NTM: variants seen among roughly 807,000 people sequenced by gnomAD.
The protein encoded by NTM is neurotrimin.
In NTM, 13 loss-of-function variants were observed where a neutral mutation model predicts 42.1. That is an observed-to-expected ratio of 0.31 (90% CI 0.20 to 0.49). The LOEUF (loss-of-function observed/expected upper bound fraction) is 0.49, where lower values mean the gene tolerates loss of function less well. NTM is among the 20% of genes least tolerant of loss of function. The pLI, the probability that NTM is intolerant of heterozygous loss-of-function variation, is 0.99. For synonymous variants in NTM, 187 were observed against 179.2 expected (o/e 1.04, Z -0.35); for missense variants, 373 against 452.8 (o/e 0.82, Z 1.60).
chr11:132,212,179 A>G, intron 4 of NTM, 32 bp downstream of exon 4: 6 of 1,592,842 alleles, frequency 3.8e-6, no homozygotes, highest in Non-Finnish European at 4.3e-6. Context: ...TTGCATCATG[A>G]GGATAAATGG....
intron 1 of NTM, among the ~76,000 whole-genome samples, chr11:131,687,717 T>A (rs1047189382): frequency 3.9e-5 from 6 of 152,140 alleles, no homozygotes; most frequent in Non-Finnish European, 7.4e-5. Flanking sequence ...ACAAAACCAT[T>A]CCACAGGAGT....
Position 131,586,978 on chromosome 11 carries a change from G to A in NTM, c.82+216090G>A, listed in dbSNP as rs554865613. On this transcript the variant is annotated intron_variant, in intron 1 of 8. Coordinates refer to ENST00000683400, the MANE Select transcript of NTM (RefSeq NM_001352005.2). The stretch of plus-strand genomic sequence containing the variant: ...TAATTTTAGTTAACTTAAAAAATAA[G>A]TGATGCTCAATTGGGAGGCTACGGA... Among the ~76,000 whole-genome samples, 4 of 152,202 alleles carry A rather than the reference G, an allele frequency of 2.6e-5. No homozygotes were observed. In the East Asian group the frequency reaches 7.8e-4, roughly 29 times the overall value.
chr11:131,864,333 C>A (rs1420346402), intron 1 of NTM, among the ~76,000 whole-genome samples: 1 of 152,186 alleles, frequency 6.6e-6, no homozygotes, highest in Non-Finnish European at 1.5e-5. Context: ...TGGAGCTTGT[C>A]ATGTGACAGC....
chr11:131,704,108 A>T (rs893594787), intron 1 of NTM, among the ~76,000 whole-genome samples: 2 of 152,114 alleles, frequency 1.3e-5, no homozygotes, highest in East Asian at 3.9e-4. Context: ...TTGACTTAGG[A>T]TCCCTGAGGA....
At chr11:131,778,887 A>G (rs1337431364) in intron 1 of NTM, among the ~76,000 whole-genome samples, 1 of 152,260 alleles carries the variant, frequency 6.6e-6, no homozygotes, top group Admixed American at 6.5e-5. Flanking sequence ...ATAGTCTATC[A>G]TAGCTCCCTG....
At chr11:131,866,547 T>C (rs1012161728) in intron 1 of NTM, among the ~76,000 whole-genome samples, 1 of 152,218 alleles carries the variant, frequency 6.6e-6, no homozygotes, top group African/African-American at 2.4e-5. Flanking sequence ...CACCTCACAT[T>C]AATTTAGTGG....
chr11:131,464,708 C>T lies in NTM; in HGVS notation c.82+93820C>T, dbSNP rs180901545. On this transcript the variant is annotated intron_variant, in intron 1 of 8. Transcript: ENST00000683400. Reference sequence around the variant, plus strand: ...CCAGCAGTGCCCCGAGGGGCCAGGACGCCCTTCTGCCGGCTGAGAACCACA... The same window carrying T: ...CCAGCAGTGCCCCGAGGGGCCAGGATGCCCTTCTGCCGGCTGAGAACCACA... 1.7e-4 allele frequency among the ~76,000 whole-genome samples: 26 copies of T among 152,340 alleles called. No homozygotes were observed. The East Asian group carries it at 5.0e-3, about 29-fold the overall frequency.
intron 1 of NTM, among the ~76,000 whole-genome samples, chr11:131,483,636 A>G (rs747975257): frequency 6.1e-4 from 93 of 152,192 alleles, no homozygotes; most frequent in Non-Finnish European, 9.4e-4. Flanking sequence ...GGATTCTCTA[A>G]CACTCAGTGA....
intron 1 of NTM, among the ~76,000 whole-genome samples, chr11:131,407,066 A>T (rs10750478): frequency 0.62 from 93,696 of 152,112 alleles, 29,321 homozygotes; most frequent in East Asian, 0.87. Context: ...TGAAGACGCA[A>T]GTCTGTCTCT....
chr11:131,525,194 G>A (rs1202407288), intron 1 of NTM, among the ~76,000 whole-genome samples: 1 of 152,166 alleles, frequency 6.6e-6, no homozygotes, highest in Non-Finnish European at 1.5e-5. Context: ...CAAAAGGGCT[G>A]AGAGCCATAA....
chr11:131,548,575 C>A (rs2054246428), intron 1 of NTM, among the ~76,000 whole-genome samples: 1 of 152,048 alleles, frequency 6.6e-6, no homozygotes, highest in African/African-American at 2.4e-5. Flanking sequence ...TTTGCTGATT[C>A]CCACTGGAAT....
intron 1 of NTM, among the ~76,000 whole-genome samples, chr11:131,514,134 A>G (rs2048599630): frequency 1.3e-5 from 2 of 152,158 alleles, no homozygotes; most frequent in Admixed American, 6.6e-5. Flanking sequence ...TCACATAAAC[A>G]CTTTCTGCTA....
intron 1 of NTM, among the ~76,000 whole-genome samples, chr11:131,516,186 T>G (rs2048866831): frequency 6.6e-6 from 1 of 152,220 alleles, no homozygotes; most frequent in South Asian, 2.1e-4. Context: ...TGCTTTTACA[T>G]ATATTATCTC....
chr11:132,201,992 A>G (rs2081232699), intron 3 of NTM, among the ~76,000 whole-genome samples: 1 of 152,224 alleles, frequency 6.6e-6, no homozygotes, highest in African/African-American at 2.4e-5. Context: ...GAGGAATAAT[A>G]TTAAAAAGTC....
chr11:132,334,903 A>G lies in NTM; in HGVS notation c.968-143A>G. The G allele has an allele frequency of 2.9e-6, 4 of 1,396,178 alleles. No individual in the cohort carries two copies. In the East Asian group the frequency reaches 7.1e-5, roughly 25 times the overall value. 86.5% of individuals were successfully genotyped at this position (1,396,178 alleles called of 1,614,324 possible). ...TGTGGGCCATAGAACGTTCACTTCT[A>G]ATGCTGGGGCTGGAACACCATGTGT... On this transcript the variant is annotated intron_variant, in intron 8 of 8. Transcript: ENST00000683400.
In NTM at chr11:132,158,167, G is replaced by A. The variant is rs546805148; in HGVS notation, c.400+11653G>A. ...TGGCCTAAAAGGTCTTCCTTGGTCC[G>A]GCCACCAGTGTCTCCCTGGCTTCAC... On this transcript the variant is annotated intron_variant, in intron 3 of 8. Coordinates refer to ENST00000683400, the MANE Select transcript of NTM (RefSeq NM_001352005.2). 1.1e-4 allele frequency among the ~76,000 whole-genome samples: 16 copies of A among 152,198 alleles called. No individual in the cohort carries two copies. The South Asian group carries it at 1.2e-3, about 12-fold the overall frequency.
intron 1 of NTM, among the ~76,000 whole-genome samples, chr11:131,855,635 G>C (rs1384761045): frequency 3.3e-5 from 5 of 152,156 alleles, no homozygotes; most frequent in Admixed American, 2.0e-4. Context: ...CTTGCCTTCT[G>C]TTGCTCCTTA....
chr11:132,314,010 TTC>T (rs2095355529), intron 6 of NTM, among the ~76,000 whole-genome samples: 1 of 152,226 alleles, frequency 6.6e-6, no homozygotes, highest in African/African-American at 2.4e-5. Context: ...TTTTCTCCTC[TTC>T]ATAGCCAAAA....
At chr11:132,190,752 A>AT (rs1430377826) in intron 3 of NTM, among the ~76,000 whole-genome samples, 1 of 148,826 alleles carries the variant, frequency 6.7e-6, no homozygotes, top group Non-Finnish European at 1.5e-5. Flanking sequence ...AAAAAAAAAA[A>AT]AAGAGACAGA....
Sources: allele counts gnomAD v4.1 joint callset (sites outside exome capture counted in the v4.1 genomes callset), GRCh38; gene constraint gnomAD v4.1.1; transcripts MANE v1.5; gene names NCBI Gene and HGNC (gene_info 2026-07-23, HGNC 2026-07-21).